LRBA: variants seen among roughly 807,000 people sequenced by gnomAD.
The protein encoded by LRBA is LPS responsive beige-like anchor protein.
In LRBA, 176 loss-of-function variants were observed where a neutral mutation model predicts 330.0. The observed-to-expected ratio is 0.53, with a 90% CI of 0.47 to 0.60. The LOEUF (loss-of-function observed/expected upper bound fraction) is 0.60, where lower values mean the gene tolerates loss of function less well. Among genes scored for constraint, LRBA ranks in the 20% least tolerant of loss-of-function variants. The pLI is 0.00. For missense variants in LRBA, 3,259 were observed against 3,444.8 expected (o/e 0.95, Z 1.35); for synonymous variants, 1,230 against 1,193.0 (o/e 1.03, Z -0.64).
intron 47 of LRBA, among the ~76,000 whole-genome samples, chr4:150,375,077 A>G (rs894055399): frequency 9.1e-5 from 2 of 21,948 alleles, no homozygotes; most frequent in African/African-American, 2.3e-4. Context: ...TAAGCCTGTA[A>G]GAGTAAGGGG....
intron 42 of LRBA, among the ~76,000 whole-genome samples, chr4:150,476,534 C>T (rs529600881): frequency 1.3e-5 from 2 of 152,284 alleles, no homozygotes; most frequent in South Asian, 4.1e-4. Flanking sequence ...CCCTACACCA[C>T]CACCACTCTA....
intron 56 of LRBA, among the ~76,000 whole-genome samples, chr4:150,270,878 T>G (rs762758604): frequency 1.3e-5 from 2 of 152,226 alleles, no homozygotes; most frequent in Non-Finnish European, 2.9e-5. Flanking sequence ...GCTCTTTCAA[T>G]TTTATTTACT....
chr4:150,840,889 G>A, intron 28 of LRBA: 1 of 1,038,336 alleles, frequency 9.6e-7, no homozygotes, highest in Non-Finnish European at 1.2e-6. Flanking sequence ...GAGACTAATT[G>A]TTAATACTTA....
chr4:150,746,672 G>A lies in LRBA; in HGVS notation c.5646-11306C>T, dbSNP rs1013143243. On this transcript the variant is annotated intron_variant, in intron 35 of 56. Transcript: ENST00000651943. ...ACTACCAGAGCCCACCACCATGCCC[G>A]GCTAATTTTTTATATTTTTAGTACA... is the stretch of plus-strand genomic sequence containing the variant. 1.7e-4 allele frequency among the ~76,000 whole-genome samples: 26 copies of A among 151,862 alleles called. No homozygotes were observed. In the East Asian group the frequency reaches 3.1e-3, roughly 18 times the overall value.
At chr4:150,521,290 C>T (rs1037124296) in intron 40 of LRBA, among the ~76,000 whole-genome samples, 2 of 151,958 alleles carry the variant, frequency 1.3e-5, no homozygotes, top group African/African-American at 4.8e-5. Context: ...TGATGAGCCT[C>T]AGATATTTGA....
At chr4:150,427,072 T>C (rs1749733875) in intron 46 of LRBA, among the ~76,000 whole-genome samples, 1 of 151,918 alleles carries the variant, frequency 6.6e-6, no homozygotes, top group Non-Finnish European at 1.5e-5. Context: ...AAATAAAATT[T>C]CTGGAATAAG....
chr4:150,749,559 C>G (rs1223630056), intron 35 of LRBA, among the ~76,000 whole-genome samples: 1 of 152,024 alleles, frequency 6.6e-6, no homozygotes, highest in East Asian at 1.9e-4. Flanking sequence ...AGCTCAAGAC[C>G]AGCCTGGACA....
At chr4:150,674,648 A>G (rs1354195646) in intron 37 of LRBA, among the ~76,000 whole-genome samples, 10 of 152,174 alleles carry the variant, frequency 6.6e-5, no homozygotes, top group Admixed American at 6.5e-4. Flanking sequence ...AGGCTGAGGC[A>G]GGAGGATCAC....
chr4:150,504,291 C>G (rs1760736795), intron 40 of LRBA, among the ~76,000 whole-genome samples: 1 of 152,144 alleles, frequency 6.6e-6, no homozygotes, highest in South Asian at 2.1e-4. Flanking sequence ...CCATAATTTT[C>G]AGATTCACCA....
At chr4:150,519,952 T>G (rs1033068549) in intron 40 of LRBA, among the ~76,000 whole-genome samples, 4 of 152,192 alleles carry the variant, frequency 2.6e-5, no homozygotes, top group Non-Finnish European at 5.9e-5. Flanking sequence ...GAACATTTTT[T>G]CAGGTGCTTA....
chr4:150,838,674 T>A (rs988232020), intron 28 of LRBA, among the ~76,000 whole-genome samples: 2 of 152,336 alleles, frequency 1.3e-5, no homozygotes, highest in South Asian at 2.1e-4. Context: ...ACACTGGTTA[T>A]TCTAGTTTGC....
intron 40 of LRBA, among the ~76,000 whole-genome samples, chr4:150,539,123 G>A (rs539938544): frequency 1.3e-5 from 2 of 152,052 alleles, no homozygotes; most frequent in Admixed American, 6.5e-5. Flanking sequence ...CTATGGGCAC[G>A]CACCACCATG....
At chr4:150,529,283 C>A (rs902988612) in intron 40 of LRBA, among the ~76,000 whole-genome samples, 1 of 152,190 alleles carries the variant, frequency 6.6e-6, no homozygotes, top group African/African-American at 2.4e-5. Flanking sequence ...GGTGAGTATG[C>A]ATGTTCCTCT....
At chr4:150,467,806 T>C in intron 43 of LRBA, 21 bp from the exon 44 acceptor site, 1 of 1,081,148 alleles carries the variant, frequency 9.2e-7, no homozygotes, top group East Asian at 2.4e-5. Context: ...AAAAAGTTAC[T>C]CGTAATTTAT....
At chr4:150,969,574 C>A (rs1002152359) in intron 2 of LRBA, among the ~76,000 whole-genome samples, 1 of 152,164 alleles carries the variant, frequency 6.6e-6, no homozygotes, top group Admixed American at 6.5e-5. Flanking sequence ...CTCAGGTAAT[C>A]CTCCCACCTC....
chr4:150,494,996 T>C (rs1409011302), intron 40 of LRBA, among the ~76,000 whole-genome samples: 1 of 149,692 alleles, frequency 6.7e-6, no homozygotes, highest in Non-Finnish European at 1.5e-5. Flanking sequence ...CGAGACTCTG[T>C]CTCAAAAAAA....
At chr4:150,533,899 T>C (rs1764329223) in intron 40 of LRBA, among the ~76,000 whole-genome samples, 1 of 152,202 alleles carries the variant, frequency 6.6e-6, no homozygotes, top group Non-Finnish European at 1.5e-5. Context: ...CCTTCTGTTT[T>C]ATGGCAGAAT....
chr4:150,803,083 TACACACACACAC>T (rs1553964882), intron 33 of LRBA, among the ~76,000 whole-genome samples: 4 of 128,488 alleles, frequency 3.1e-5, no homozygotes, highest in Non-Finnish European at 4.8e-5. Flanking sequence ...AAAATATATA[TACACACACACAC>T]ACACACACAC....
chr4:150,909,900 C>T (rs1472672753), intron 9 of LRBA, among the ~76,000 whole-genome samples: 1 of 152,084 alleles, frequency 6.6e-6, no homozygotes, highest in Non-Finnish European at 1.5e-5. Flanking sequence ...TAGCATTTTT[C>T]TAATGTCTAG....
Sources: allele counts gnomAD v4.1 joint callset (sites outside exome capture counted in the v4.1 genomes callset), GRCh38; gene constraint gnomAD v4.1.1; transcripts MANE v1.5; gene names NCBI Gene and HGNC (gene_info 2026-07-23, HGNC 2026-07-21).